The following IPO8 variants were observed in gnomAD, a reference collection of about 807,000 sequenced individuals.
The protein encoded by IPO8 is importin 8, also known as importin-8.
IPO8 carries 65 observed loss-of-function variants against 141.2 expected under a neutral mutation model. The ratio of observed to expected loss-of-function variants is 0.46; its 90% CI spans 0.38 to 0.57. IPO8 has a LOEUF of 0.57. Ranked by LOEUF, IPO8 falls within the 20% of genes least tolerant of loss-of-function variation. The probability of loss-of-function intolerance (pLI) is 0.00; values close to 1 mark genes in which losing one functional copy is unlikely to be tolerated. For synonymous variants in IPO8, 411 were observed against 420.3 expected, an observed-to-expected ratio of 0.98 and a Z score of 0.27; for missense variants, 980 against 1,246.8, an observed-to-expected ratio of 0.79 and a Z score of 3.22.
chr12:30,652,097 T>C (rs1230815826), intron 19 of IPO8, 95 bp downstream of exon 19: 2 of 652,592 alleles, frequency 3.1e-6, no homozygotes, highest in African/African-American at 3.7e-5. Flanking sequence ...AATGCAGAAC[T>C]AAATGTGTAA....
intron 17 of IPO8, among the ~76,000 whole-genome samples, chr12:30,655,552 T>C (rs1275760255): frequency 6.6e-6 from 1 of 152,172 alleles, no homozygotes; most frequent in East Asian, 1.9e-4. Flanking sequence ...CTCCCTCCAC[T>C]TCCTGCTAAC....
intron 16 of IPO8, among the ~76,000 whole-genome samples, chr12:30,660,384 A>G (rs1332715868): frequency 6.6e-6 from 1 of 152,212 alleles, no homozygotes; most frequent in Non-Finnish European, 1.5e-5. Flanking sequence ...GATACTTGGG[A>G]AGCAGCTGTA....
chr12:30,666,061 G>A, intron 11 of IPO8, 114 bp downstream of exon 11: 1 of 762,096 alleles, frequency 1.3e-6, no homozygotes, highest in Non-Finnish European at 2.0e-6. Flanking sequence ...AATCCTTAAG[G>A]TGACAAATTA....
chr12:30,662,494 C>G lies in IPO8; in HGVS notation c.1595-7G>C. On this transcript the variant is annotated splice_region_variant and splice_polypyrimidine_tract_variant and intron_variant, in intron 14 of 24. Coordinates refer to ENST00000256079, the MANE Select transcript of IPO8 (RefSeq NM_006390.4). ...GGCTTCATATATTCCTTAGCTAATTCAATAAAACAAACAAAAGTAATAAAA... is the reference window on the plus strand; with the variant it reads ...GGCTTCATATATTCCTTAGCTAATTGAATAAAACAAACAAAAGTAATAAAA... The G allele has an allele frequency of 6.2e-7, 1 of 1,602,746 alleles. No individual in the cohort carries two copies. Among genetic ancestry groups the G allele is most frequent in the South Asian group, 1.1e-5 (1 of 90,710 alleles).
In IPO8 at chr12:30,663,638, T is replaced by C; in HGVS notation, c.1445A>G (p.His482Arg). 1 of 1,610,296 alleles carries C rather than the reference T, an allele frequency of 6.2e-7. No individual in the cohort carries two copies. Among genetic ancestry groups the C allele is most frequent in the Non-Finnish European group, 8.5e-7 (1 of 1,179,418 alleles). The stretch of plus-strand genomic sequence containing the variant: ...ATGGAACTTCAAAGAACTAAATGCA[T>C]GAAGTACCCAGCAAGACTGTATTAT... Reference protein sequence around the residue: ...YLRARSCWVLHAFSSLKFHNE... With the variant: ...YLRARSCWVLRAFSSLKFHNE... The change falls in exon 14 of 25, where the codon CAT becomes CGT. Residue 482 changes from histidine to arginine, a missense_variant. His to Arg is a conservative substitution (Grantham distance 29). Coordinates refer to ENST00000256079, the MANE Select transcript of IPO8 (RefSeq NM_006390.4).
intron 15 of IPO8, among the ~76,000 whole-genome samples, chr12:30,661,523 C>A (rs2052887083): frequency 6.7e-6 from 1 of 149,868 alleles, no homozygotes; most frequent in Non-Finnish European, 1.5e-5. Flanking sequence ...AGTAAAATCA[C>A]AATCTAGGAC....
intron 19 of IPO8, among the ~76,000 whole-genome samples, chr12:30,649,893 A>C (rs1360124982): frequency 6.6e-6 from 1 of 152,106 alleles, no homozygotes; most frequent in African/African-American, 2.4e-5. Context: ...CTTATATTAA[A>C]AATTGTTTAA....
intron 22 of IPO8, among the ~76,000 whole-genome samples, chr12:30,634,649 T>TA (rs941181152): frequency 1.9e-4 from 29 of 151,100 alleles, no homozygotes; most frequent in African/African-American, 4.4e-4. Context: ...TACCTTTGTT[T>TA]AAAAAAAAAG....
At chr12:30,652,159 A>T (rs755519569) in intron 19 of IPO8, 33 bp downstream of exon 19, 2 of 1,249,776 alleles carry the variant, frequency 1.6e-6, no homozygotes, top group South Asian at 2.5e-5. Flanking sequence ...ATTAGTTAAG[A>T]ACCACTGAAA....
intron 20 of IPO8, among the ~76,000 whole-genome samples, chr12:30,646,330 T>C (rs1361372278): frequency 1.3e-5 from 2 of 152,128 alleles, no homozygotes; most frequent in African/African-American, 2.4e-5. Flanking sequence ...AGCAACAAGT[T>C]AGCAACAGTC....
At chr12:30,655,890 T>A (rs2052792657) in intron 17 of IPO8, among the ~76,000 whole-genome samples, 2 of 152,168 alleles carry the variant, frequency 1.3e-5, no homozygotes, top group African/African-American at 4.8e-5. Flanking sequence ...TGCATCTGTG[T>A]CACACCCACA....
chr12:30,673,989 C>T lies in IPO8; in HGVS notation c.909+1G>A. The T allele has an allele frequency of 6.4e-7, 1 of 1,551,958 alleles. No individual in the cohort carries two copies. The highest frequency in any genetic ancestry group is 8.8e-7 in the Non-Finnish European group (1 of 1,132,956). Reference sequence around the variant, plus strand: ...CTATTTTAAAAGCATAAGTTTATTACCTGCTGAATGCCCACTGCATAGGTT... The same window carrying T: ...CTATTTTAAAAGCATAAGTTTATTATCTGCTGAATGCCCACTGCATAGGTT... On this transcript the variant is annotated splice_donor_variant, in intron 8 of 24. Transcript: ENST00000256079. LOFTEE classifies it high-confidence loss of function.
At chr12:30,649,489 T>C (rs2052695627) in intron 19 of IPO8, among the ~76,000 whole-genome samples, 1 of 152,090 alleles carries the variant, frequency 6.6e-6, no homozygotes, top group Non-Finnish European at 1.5e-5. Context: ...TCCACATAAA[T>C]GAAGCTTCCC....
intron 2 of IPO8, among the ~76,000 whole-genome samples, 179 bp downstream of exon 2, chr12:30,690,317 A>G (rs2053279443): frequency 6.6e-6 from 1 of 152,256 alleles, no homozygotes. Context: ...TTGAGAGCTC[A>G]GTATCTACCT....
chr12:30,638,493 G>C (rs1264289884), intron 21 of IPO8, among the ~76,000 whole-genome samples: 15 of 152,042 alleles, frequency 9.9e-5, no homozygotes, highest in Admixed American at 9.8e-4. Context: ...GTTCCTCTCA[G>C]GAAATTTTTC....
chr12:30,642,563 C>G (rs980816721), intron 20 of IPO8, among the ~76,000 whole-genome samples: 1 of 151,486 alleles, frequency 6.6e-6, no homozygotes, highest in African/African-American at 2.4e-5. Flanking sequence ...TATATAGCGA[C>G]ATATTAGTTA....
chr12:30,677,829 T>C (rs1230738945), intron 5 of IPO8, among the ~76,000 whole-genome samples: 1 of 152,038 alleles, frequency 6.6e-6, no homozygotes, highest in East Asian at 1.9e-4. Flanking sequence ...TACAACAGAG[T>C]CAAAAAGTTA....
In IPO8 at chr12:30,670,291, G is replaced by A. The variant is rs181526121; in HGVS notation, c.1044+671C>T. Among the ~76,000 whole-genome samples the A allele has an allele frequency of 3.3e-3, 510 of 152,266 alleles. 2 individuals are homozygous for A. The highest frequency in any genetic ancestry group is 5.2e-3 in the Admixed American group (79 of 15,294). ...GCAAAGTGAAAGATTTTTCTTTTCA[G>A]ATATCATTTATAAAATTTAAGAATT... On this transcript the variant is annotated intron_variant, in intron 9 of 24. Coordinates refer to ENST00000256079, the MANE Select transcript of IPO8 (RefSeq NM_006390.4).
rs901806607 is a variant in IPO8, at chr12:30,630,553, G to A, written c.*307C>T. ...ATTCTGCATGGCAAAAACCTGAGACGTGCAAGTCTATCCAATCCTCTAAAA... is the reference window on the plus strand; with the variant it reads ...ATTCTGCATGGCAAAAACCTGAGACATGCAAGTCTATCCAATCCTCTAAAA... On this transcript the variant is annotated 3_prime_UTR_variant, in exon 25 of 25. Coordinates refer to ENST00000256079, the MANE Select transcript of IPO8 (RefSeq NM_006390.4). 3.6e-5 allele frequency: 11 copies of A among 305,846 alleles called. No homozygotes were observed. Among genetic ancestry groups the A allele is most frequent in the Admixed American group, 9.8e-5 (2 of 20,464 alleles). 18.9% of individuals were successfully genotyped at this position (305,846 alleles called of 1,614,324 possible).
Sources: gnomAD v4.1 joint callset for allele counts (sites outside exome capture counted in the v4.1 genomes callset) on GRCh38, gnomAD v4.1.1 for gene constraint, MANE v1.5 for transcripts, NCBI Gene and HGNC (gene_info 2026-07-23, HGNC 2026-07-21) for gene names.